Variants in PTPRN2 observed in about 807,000 individuals in gnomAD.
PTPRN2 encodes the protein receptor-type tyrosine-protein phosphatase N2.
In PTPRN2, 74 loss-of-function variants were observed where a neutral mutation model predicts 118.8. The observed-to-expected ratio is 0.62, with a 90% CI of 0.52 to 0.76. PTPRN2 has a LOEUF of 0.76. Ranked by LOEUF, PTPRN2 falls within the 30% of genes least tolerant of loss-of-function variation. PTPRN2 has a pLI of 0.00. For synonymous variants in PTPRN2, 641 were observed against 608.0 expected (o/e 1.05, Z -0.80); for missense variants, 1,481 against 1,394.4 (o/e 1.06, Z -0.99).
intron 3 of PTPRN2, among the ~76,000 whole-genome samples, chr7:158,258,190 T>G (rs1173783970): frequency 3.9e-5 from 6 of 152,174 alleles, no homozygotes; most frequent in Admixed American, 3.9e-4. Context: ...CCTGGAGCAT[T>G]CCCGACGTCC....
chr7:157,842,183 G>T (rs1012416348), intron 12 of PTPRN2, among the ~76,000 whole-genome samples: 1 of 152,024 alleles, frequency 6.6e-6, no homozygotes, highest in Admixed American at 6.5e-5. Context: ...TTTGTGCGTG[G>T]GGCTGTGAAT....
At chr7:158,135,495 C>T (rs956674762) in intron 8 of PTPRN2, among the ~76,000 whole-genome samples, 2 of 152,094 alleles carry the variant, frequency 1.3e-5, no homozygotes, top group African/African-American at 2.4e-5. Flanking sequence ...CACTCACATA[C>T]CCTTTTTGAG....
intron 12 of PTPRN2, among the ~76,000 whole-genome samples, chr7:157,838,963 TCG>T (rs1478696466): frequency 2.1e-5 from 3 of 141,026 alleles, no homozygotes; most frequent in African/African-American, 8.8e-5. Context: ...CCAGTTCCTC[TCG>T]TAGTGGATGG....
At chr7:158,149,843 A>G (rs1415828568) in intron 6 of PTPRN2, among the ~76,000 whole-genome samples, 1 of 152,190 alleles carries the variant, frequency 6.6e-6, no homozygotes, top group Non-Finnish European at 1.5e-5. Flanking sequence ...TGTCTCTTGA[A>G]AAAACAAAAA....
intron 2 of PTPRN2, among the ~76,000 whole-genome samples, chr7:158,393,214 G>A (rs969684808): frequency 5.9e-5 from 9 of 152,306 alleles, no homozygotes; most frequent in South Asian, 2.1e-4. Context: ...ACCCCACGGC[G>A]TCTTTAAAAA....
At chr7:158,459,404 C>T (rs1818793604) in intron 2 of PTPRN2, among the ~76,000 whole-genome samples, 1 of 151,544 alleles carries the variant, frequency 6.6e-6, no homozygotes, top group African/African-American at 2.4e-5. Context: ...AGAGCCCTCG[C>T]CTGGGACGAA....
chr7:157,723,880 C>A (rs1313788019), intron 12 of PTPRN2, among the ~76,000 whole-genome samples: 2 of 152,220 alleles, frequency 1.3e-5, no homozygotes, highest in African/African-American at 4.8e-5. Flanking sequence ...TTCCACGCTG[C>A]ACACAACGCT....
chr7:157,744,915 G>A (rs534021009), intron 12 of PTPRN2, among the ~76,000 whole-genome samples: 216 of 152,228 alleles, frequency 1.4e-3, no homozygotes, highest in African/African-American at 5.0e-3. Context: ...CCAGTCCCCC[G>A]GCATCTCTGA....
At chr7:157,913,794 G>A (rs1396711596) in intron 11 of PTPRN2, among the ~76,000 whole-genome samples, 2 of 152,060 alleles carry the variant, frequency 1.3e-5, no homozygotes, top group South Asian at 2.1e-4. Context: ...CTCTCTAATT[G>A]TCATTCCCTG....
Position 157,971,577 on chromosome 7 carries a change from C to T in PTPRN2, c.1724-72840G>A, listed in dbSNP as rs555428680. ...CCCCCTGGAACGTTCCCCAGCAATT[C>T]CGTGCTAATTAACTGAAGCATCTTG... On this transcript the variant is annotated intron_variant, in intron 11 of 22. Transcript: ENST00000389418. Among the ~76,000 whole-genome samples, 6 of 152,266 alleles carry T rather than the reference C, an allele frequency of 3.9e-5. No homozygotes were observed. The South Asian group carries it at 1.2e-3, about 32-fold the overall frequency.
At chr7:158,353,274 A>G (rs761477504) in intron 2 of PTPRN2, among the ~76,000 whole-genome samples, 1 of 152,212 alleles carries the variant, frequency 6.6e-6, no homozygotes, top group Non-Finnish European at 1.5e-5. Context: ...AAACAACACA[A>G]TAGAAGTTAA....
In PTPRN2 at chr7:157,787,328, C is replaced by T. The variant is rs2151067028; in HGVS notation, c.1789-104391G>A. 6.6e-6 allele frequency among the ~76,000 whole-genome samples: 1 copy of T among 152,304 alleles called. No individual in the cohort carries two copies. Among genetic ancestry groups the T allele is most frequent in the Admixed American group, 6.5e-5 (1 of 15,306 alleles). On this transcript the variant is annotated intron_variant, in intron 12 of 22. Coordinates refer to ENST00000389418, the MANE Select transcript of PTPRN2 (RefSeq NM_002847.5). This position sits in a 1 kb window ranked among gnomAD's most constrained non-coding sequence, Gnocchi z 5.3. ...AGGGGGCTCATCCGTGGCCTCCAGG[C>T]CCCACCTTGATGGAAACTGCGACAG...
At chr7:158,236,586 G>A (rs1829566985) in intron 3 of PTPRN2, among the ~76,000 whole-genome samples, 1 of 152,168 alleles carries the variant, frequency 6.6e-6, no homozygotes, top group African/African-American at 2.4e-5. Flanking sequence ...CCTCAAGTAT[G>A]TCTTCATGGA....
intron 6 of PTPRN2, among the ~76,000 whole-genome samples, chr7:158,160,452 C>G (rs908801349): frequency 1.1e-4 from 16 of 152,146 alleles, no homozygotes; most frequent in African/African-American, 3.6e-4. Context: ...ACCAGCCGTC[C>G]CTGGGTCTTC....
chr7:157,927,674 G>T (rs1215142884), intron 11 of PTPRN2, among the ~76,000 whole-genome samples: 1 of 152,120 alleles, frequency 6.6e-6, no homozygotes, highest in Non-Finnish European at 1.5e-5. Context: ...TGTCTGCTGG[G>T]ATCACTCAGT....
At chr7:157,770,101 G>A (rs1026384758) in intron 12 of PTPRN2, among the ~76,000 whole-genome samples, 2 of 152,328 alleles carry the variant, frequency 1.3e-5, no homozygotes, top group African/African-American at 4.8e-5. Flanking sequence ...CACCGGCCCC[G>A]GTGAATGCTG....
At chr7:158,489,507 A>G (rs1452175988) in intron 2 of PTPRN2, among the ~76,000 whole-genome samples, 2 of 152,224 alleles carry the variant, frequency 1.3e-5, no homozygotes, top group African/African-American at 4.8e-5. Context: ...ACAAAATCAG[A>G]AAGCAAGGGT....
chr7:158,270,458 C>T (rs574880917), intron 3 of PTPRN2, among the ~76,000 whole-genome samples: 6 of 152,190 alleles, frequency 3.9e-5, no homozygotes, highest in East Asian at 3.9e-4. Context: ...GTGATCCTAC[C>T]GGAGACAGAT....
intron 5 of PTPRN2, among the ~76,000 whole-genome samples, chr7:158,190,238 C>T (rs1336742115): frequency 6.6e-6 from 1 of 152,162 alleles, no homozygotes; most frequent in Non-Finnish European, 1.5e-5. Context: ...GAGCGGCTCC[C>T]CCTGGCCCCA....
Sources: gnomAD v4.1 joint callset for allele counts (sites outside exome capture counted in the v4.1 genomes callset) on GRCh38, gnomAD v4.1.1 for gene constraint, Gnocchi (gnomAD v3.1) non-coding constraint, MANE v1.5 for transcripts, NCBI Gene and HGNC (gene_info 2026-07-23, HGNC 2026-07-21) for gene names.